The following CDH8 variants were observed in gnomAD, a reference collection of about 807,000 sequenced individuals.
The protein encoded by CDH8 is cadherin 8, also known as cadherin-8.
CDH8 carries 17 observed loss-of-function variants against 68.1 expected under a neutral mutation model. The ratio of observed to expected loss-of-function variants is 0.25; its 90% CI spans 0.17 to 0.37. CDH8 has a LOEUF of 0.37. Ranked by LOEUF, CDH8 falls within the 10% of genes least tolerant of loss-of-function variation. CDH8 has a pLI of 1.00. For missense variants in CDH8, 763 were observed against 999.3 expected, an observed-to-expected ratio of 0.76 and a Z score of 3.19; for synonymous variants, 372 against 365.1, an observed-to-expected ratio of 1.02 and a Z score of -0.21.
intron 3 of CDH8, among the ~76,000 whole-genome samples, chr16:61,868,819 T>A (rs9635515): frequency 2.0e-5 from 3 of 151,922 alleles, no homozygotes; most frequent in African/African-American, 4.8e-5. Flanking sequence ...TATTGAAAAC[T>A]CTACGTGACA....
At chr16:62,009,039 A>T (rs1003616255) in intron 2 of CDH8, among the ~76,000 whole-genome samples, 12 of 152,084 alleles carry the variant, frequency 7.9e-5, no homozygotes, top group African/African-American at 2.9e-4. Context: ...CACAAAAAAA[A>T]AAAAAAGCAA....
intron 10 of CDH8, among the ~76,000 whole-genome samples, chr16:61,696,560 A>G (rs1964331653): frequency 6.6e-6 from 1 of 152,188 alleles, no homozygotes; most frequent in African/African-American, 2.4e-5. Context: ...AGATTTCTCA[A>G]ATAATTTAAA....
At chr16:61,993,815 T>TA (rs930648682) in intron 2 of CDH8, among the ~76,000 whole-genome samples, 1 of 151,982 alleles carries the variant, frequency 6.6e-6, no homozygotes, top group African/African-American at 2.4e-5. Context: ...TGTACACAAA[T>TA]AAAAAAAATT....
intron 8 of CDH8, among the ~76,000 whole-genome samples, chr16:61,782,962 G>C (rs1250271048): frequency 1.3e-5 from 2 of 151,664 alleles, no homozygotes; most frequent in East Asian, 2.0e-4. Flanking sequence ...AAGACCAAAA[G>C]TAGATAAAAC....
chr16:61,747,299 G>A (rs928590569), intron 8 of CDH8, among the ~76,000 whole-genome samples: 8 of 152,078 alleles, frequency 5.3e-5, no homozygotes, highest in Admixed American at 2.0e-4. Context: ...CGATGTACTT[G>A]CAGAGGTAAT....
At chr16:61,701,951 A>G (rs181813897) in intron 10 of CDH8, among the ~76,000 whole-genome samples, 2 of 152,212 alleles carry the variant, frequency 1.3e-5, no homozygotes, top group Admixed American at 1.3e-4. Flanking sequence ...TTCCTTTTTT[A>G]TGTCTTCTAT....
rs1042331541 is a variant in CDH8, at chr16:61,887,172, T to A, written c.547+14007A>T. Among the ~76,000 whole-genome samples the A allele has an allele frequency of 5.3e-5, 8 of 152,160 alleles. 1 individual carries two copies. The highest frequency in any genetic ancestry group is 5.9e-5 in the Non-Finnish European group (4 of 68,034). ...TAAAGGATAGGAGTAGGAGGACCAA[T>A]TTTGAGCAGAAGAAAGGAATTAGGA... On this transcript the variant is annotated intron_variant, in intron 3 of 11. Transcript: ENST00000577390.
intron 2 of CDH8, among the ~76,000 whole-genome samples, chr16:61,934,551 G>T (rs994319396): frequency 1.3e-5 from 2 of 152,154 alleles, no homozygotes; most frequent in African/African-American, 4.8e-5. Flanking sequence ...TTTTATTACA[G>T]TATTTTAGAT....
chr16:61,761,609 C>T (rs1960472332), intron 8 of CDH8, among the ~76,000 whole-genome samples: 1 of 152,108 alleles, frequency 6.6e-6, no homozygotes, highest in Admixed American at 6.5e-5. Flanking sequence ...CACACTAAAA[C>T]AAATAAGAAT....
intron 2 of CDH8, among the ~76,000 whole-genome samples, chr16:61,983,848 A>G (rs1965578988): frequency 6.6e-6 from 1 of 150,848 alleles, no homozygotes; most frequent in Admixed American, 6.6e-5. Context: ...ATGTCTTCAC[A>G]TGGCAAGGAG....
chr16:62,001,780 C>T (rs1455154156), intron 2 of CDH8, among the ~76,000 whole-genome samples: 1 of 152,120 alleles, frequency 6.6e-6, no homozygotes, highest in Non-Finnish European at 1.5e-5. Flanking sequence ...ATTAACTCGT[C>T]ATTTAACATT....
chr16:62,034,340 C>T (rs757458258), intron 1 of CDH8, among the ~76,000 whole-genome samples: 1 of 152,058 alleles, frequency 6.6e-6, no homozygotes, highest in African/African-American at 2.4e-5. Context: ...GGTGCAGCAG[C>T]GAGGCTGAAT....
intron 4 of CDH8, among the ~76,000 whole-genome samples, chr16:61,839,693 A>G (rs1434614300): frequency 6.6e-6 from 1 of 152,134 alleles, no homozygotes; most frequent in Non-Finnish European, 1.5e-5. Flanking sequence ...CCAACTTTGC[A>G]TAAGGCTAGA....
intron 8 of CDH8, among the ~76,000 whole-genome samples, chr16:61,771,472 C>CAAAAA (rs11355312): frequency 9.6e-5 from 6 of 62,214 alleles, no homozygotes; most frequent in Non-Finnish European, 1.4e-4. Context: ...AAAAGCCAGC[C>CAAAAA]AAAAAAAAAA....
chr16:62,014,630 C>T (rs766819631), intron 2 of CDH8, among the ~76,000 whole-genome samples: 2 of 152,146 alleles, frequency 1.3e-5, no homozygotes, highest in African/African-American at 2.4e-5. Flanking sequence ...TTTGGCATCC[C>T]GTGTCCTTCA....
chr16:61,993,496 A>G (rs911298264), intron 2 of CDH8, among the ~76,000 whole-genome samples: 3 of 152,180 alleles, frequency 2.0e-5, no homozygotes, highest in Admixed American at 6.5e-5. Context: ...AATGTTTGCA[A>G]CAGTAATCTT....
rs924258874 is a variant in CDH8 at position 61,977,444 on chromosome 16, C to A, written c.252+43708G>T. On this transcript the variant is annotated intron_variant, in intron 2 of 11. Transcript: ENST00000577390. Reference sequence around the variant, plus strand: ...AAAATTGAAAGAGAAACGATTTCTCCCCATGATTTGTGTGGGCTAAAATAT... The same window carrying A: ...AAAATTGAAAGAGAAACGATTTCTCACCATGATTTGTGTGGGCTAAAATAT... 4.6e-5 allele frequency among the ~76,000 whole-genome samples: 7 copies of A among 152,040 alleles called. No individual in the cohort carries two copies. In the East Asian group the frequency reaches 1.3e-3, roughly 29 times the overall value.
At chr16:61,982,117 T>C (rs1965542599) in intron 2 of CDH8, among the ~76,000 whole-genome samples, 1 of 152,178 alleles carries the variant, frequency 6.6e-6, no homozygotes, top group African/African-American at 2.4e-5. Flanking sequence ...GAAATGTATA[T>C]ATAGCAGATC....
chr16:62,032,852 G>T (rs530433294), intron 1 of CDH8, among the ~76,000 whole-genome samples: 1 of 152,242 alleles, frequency 6.6e-6, no homozygotes, highest in Admixed American at 6.5e-5. Flanking sequence ...AAATAACAAA[G>T]ATTGTCATTT....
Sources: gnomAD v4.1 joint callset for allele counts (sites outside exome capture counted in the v4.1 genomes callset) on GRCh38, gnomAD v4.1.1 for gene constraint, MANE v1.5 for transcripts, NCBI Gene and HGNC (gene_info 2026-07-23, HGNC 2026-07-21) for gene names.